The following WLS variants were observed in gnomAD, a reference collection of about 807,000 sequenced individuals.
WLS encodes the protein Wnt ligand secretion mediator, also known as protein wntless homolog.
In WLS, 23 loss-of-function variants were observed where a neutral mutation model predicts 62.8. The ratio of observed to expected loss-of-function variants is 0.37; its 90% CI spans 0.26 to 0.52. The LOEUF is 0.52. WLS is among the 20% of genes least tolerant of loss of function. The pLI, the probability that WLS is intolerant of heterozygous loss-of-function variation, is 0.92. For missense variants in WLS, 615 were observed against 697.3 expected, an observed-to-expected ratio of 0.88 and a Z score of 1.33; for synonymous variants, 246 against 244.1, an observed-to-expected ratio of 1.01 and a Z score of -0.07.
At chr1:68,125,291 G>GAAACCTATTTCCC, downstream of WLS, 1 of 976,880 alleles carries the variant, frequency 1.0e-6, no homozygotes. Flanking sequence ...CAGTTTTTCA[G>GAAACCTATTTCCC]AAACCTATTT....
intron 5 of WLS, among the ~76,000 whole-genome samples, chr1:68,152,147 GA>G (rs2100473645): frequency 6.6e-6 from 1 of 152,302 alleles, no homozygotes; most frequent in South Asian, 2.1e-4. Context: ...TCCTGGGAGG[GA>G]ATAGGTTGGA....
In WLS at chr1:68,148,158, G is replaced by A; in HGVS notation, c.1112C>T (p.Thr371Ile). Reference sequence around the variant, plus strand: ...TACGGCCAGCTCTGTTCCAATGTCTGTAGTCCAGATACTGTAGAAGGGATT... The same window carrying A: ...TACGGCCAGCTCTGTTCCAATGTCTATAGTCCAGATACTGTAGAAGGGATT... ...LTNPFYSIWT[T>I]DIGTELAMAF... is the part of the protein sequence containing the mutation. The change falls in exon 8 of 12, where the codon ACA becomes ATA. Residue 371 changes from threonine to isoleucine, a missense_variant. By Grantham distance (89) the Thr-to-Ile change is moderately conservative. Coordinates refer to ENST00000262348, the MANE Select transcript of WLS (RefSeq NM_024911.7). The A allele has an allele frequency of 5.6e-6, 9 of 1,614,214 alleles. No homozygotes were observed. Among genetic ancestry groups the A allele is most frequent in the Non-Finnish European group, 7.6e-6 (9 of 1,180,044 alleles).
At chr1:68,209,649 G>A (rs375877152) in intron 1 of WLS, among the ~76,000 whole-genome samples, 5 of 152,188 alleles carry the variant, frequency 3.3e-5, no homozygotes, top group African/African-American at 7.2e-5. Context: ...GTGTGGTGGC[G>A]CATGCCTGTA....
chr1:68,198,619 C>T (rs773756998), intron 1 of WLS, among the ~76,000 whole-genome samples: 1 of 152,122 alleles, frequency 6.6e-6, no homozygotes, highest in Non-Finnish European at 1.5e-5. Context: ...ATCTACCATG[C>T]ACTAGACACT....
At chr1:68,128,324 C>A (rs1646466139) in intron 11 of WLS, among the ~76,000 whole-genome samples, 1 of 152,230 alleles carries the variant, frequency 6.6e-6, no homozygotes, top group African/African-American at 2.4e-5. Flanking sequence ...CTAGTCCACA[C>A]CTCAGTCAAG....
chr1:68,110,820 C>A (rs1231797267), intron 11 of WLS, among the ~76,000 whole-genome samples: 1 of 151,810 alleles, frequency 6.6e-6, no homozygotes, highest in Non-Finnish European at 1.5e-5. Flanking sequence ...ATAAATGGTG[C>A]TGAGAGCATT....
chr1:68,131,756 AT>A (rs1445065041), intron 11 of WLS, among the ~76,000 whole-genome samples: 8 of 152,190 alleles, frequency 5.3e-5, no homozygotes, highest in African/African-American at 1.9e-4. Flanking sequence ...GTGTTTAGAG[AT>A]AGGGCCTTCT....
intron 10 of WLS, among the ~76,000 whole-genome samples, chr1:68,141,142 C>T (rs1646680224): frequency 6.6e-6 from 1 of 152,178 alleles, no homozygotes; most frequent in African/African-American, 2.4e-5. Flanking sequence ...TCTTTACACC[C>T]AGTAGTCTTG....
intron 1 of WLS, 85 bp from the exon 2 acceptor site, chr1:68,194,312 C>A: frequency 6.7e-7 from 1 of 1,493,372 alleles, no homozygotes; most frequent in Admixed American, 2.1e-5. Context: ...CTGCTGTGTT[C>A]CCTCCAGCTT....
At chr1:68,128,702 G>T (rs139718410) in intron 11 of WLS, among the ~76,000 whole-genome samples, 1 of 152,122 alleles carries the variant, frequency 6.6e-6, no homozygotes, top group Admixed American at 6.5e-5. Flanking sequence ...TTATTTAAAT[G>T]GATACCTATG....
intron 1 of WLS, among the ~76,000 whole-genome samples, chr1:68,217,815 G>T (rs2100656286): frequency 6.6e-6 from 1 of 152,286 alleles, no homozygotes; most frequent in Non-Finnish European, 1.5e-5. Context: ...GCCCCTTTGT[G>T]AGAGGGGTCT....
chr1:68,217,494 T>G (rs1014434101), intron 1 of WLS, among the ~76,000 whole-genome samples: 1 of 152,168 alleles, frequency 6.6e-6, no homozygotes, highest in African/African-American at 2.4e-5. Flanking sequence ...CATGGAAAAC[T>G]TCAGTGGTTA....
Position 68,144,580 on chromosome 1 carries a change from T to C in WLS, c.1351A>G (p.Ile451Val), listed in dbSNP as rs1646729270. Residue 451 changes from isoleucine (I) to valine (V), a missense_variant, in exon 10 of 12, where the codon ATC (isoleucine) becomes GTC (valine). By Grantham distance (29) the Ile-to-Val change is conservative. Coordinates refer to ENST00000262348, the MANE Select transcript of WLS (RefSeq NM_024911.7). ...CAGGGTCCACTTACCTGACTAACGA[T>C]GAAGAAGATGACAGTCATGGCAGCG... Reference protein sequence around the residue: ...ACAAMTVIFFIVSQVTEGHWK... With the variant: ...ACAAMTVIFFVVSQVTEGHWK... 5 of 1,613,522 alleles carry C rather than the reference T, an allele frequency of 3.1e-6. No homozygotes were observed. In the East Asian group the frequency reaches 1.1e-4, roughly 36 times the overall value.
intron 1 of WLS, among the ~76,000 whole-genome samples, chr1:68,216,433 A>T (rs909741415): frequency 2.6e-5 from 4 of 152,246 alleles, no homozygotes; most frequent in African/African-American, 9.6e-5. Context: ...GTGAGGTATC[A>T]GGTGTATCAG....
In WLS at chr1:68,153,748, T is replaced by C. The variant is rs534847411; in HGVS notation, c.667-95A>G. 5 of 1,530,374 alleles carry C rather than the reference T, an allele frequency of 3.3e-6. No homozygotes were observed. The South Asian group carries it at 4.8e-5, about 15-fold the overall frequency. The allele number at this position is 1,530,374 out of a possible 1,614,324, so 94.8% of individuals were successfully genotyped here. On this transcript the variant is annotated intron_variant, in intron 4 of 11. Coordinates refer to ENST00000262348, the MANE Select transcript of WLS (RefSeq NM_024911.7). The stretch of plus-strand genomic sequence containing the variant: ...TTTGTGGGAGAGGTAAGTGGAGACC[T>C]CGTCTGCGAATGTTCACGATCAAGA...
intron 11 of WLS, among the ~76,000 whole-genome samples, chr1:68,118,451 C>G (rs1305991084): frequency 1.3e-5 from 2 of 152,140 alleles, no homozygotes; most frequent in Non-Finnish European, 2.9e-5. Flanking sequence ...ATGATAAATG[C>G]TTTTCTGTGT....
intron 2 of WLS, among the ~76,000 whole-genome samples, chr1:68,193,692 C>T (rs1648495421): frequency 6.6e-6 from 1 of 152,084 alleles, no homozygotes. Flanking sequence ...CTTTTCCACT[C>T]TCTAGTCTTC....
intron 2 of WLS, among the ~76,000 whole-genome samples, chr1:68,193,398 T>TAAAAAAAAAAAAAAAAAAAAAAA (rs904327955): frequency 6.5e-5 from 1 of 15,442 alleles, no homozygotes; most frequent in African/African-American, 1.5e-4. Context: ...GCAAATAAGC[T>TAAAAAAAAAAAAAAAAAAAAAAA]AAAAAAAAAA....
intron 11 of WLS, among the ~76,000 whole-genome samples, chr1:68,133,505 C>G (rs1287742381): frequency 6.6e-6 from 1 of 152,122 alleles, no homozygotes; most frequent in Non-Finnish European, 1.5e-5. Context: ...TCACTTCACT[C>G]CATCTCATTC....
Sources: allele counts gnomAD v4.1 joint callset (sites outside exome capture counted in the v4.1 genomes callset), GRCh38; gene constraint gnomAD v4.1.1; transcripts MANE v1.5; gene names NCBI Gene and HGNC (gene_info 2026-07-23, HGNC 2026-07-21).